MCF2L: variants seen among roughly 807,000 people sequenced by gnomAD.
MCF2L encodes the protein guanine nucleotide exchange factor DBS.
A neutral mutation model predicts 153.4 loss-of-function variants in MCF2L; 97 were observed. That is an observed-to-expected ratio of 0.63 (90% CI 0.54 to 0.75). The LOEUF is 0.75. MCF2L is among the 30% of genes least tolerant of loss of function. The pLI, the probability that MCF2L is intolerant of heterozygous loss-of-function variation, is 0.00. For synonymous variants in MCF2L, 659 were observed against 632.2 expected, an observed-to-expected ratio of 1.04 and a Z score of -0.64; for missense variants, 1,347 against 1,495.2, an observed-to-expected ratio of 0.90 and a Z score of 1.64.
chr13:112,994,090 G>A (rs9549330), intron 1 of MCF2L, among the ~76,000 whole-genome samples: 1 of 151,994 alleles, frequency 6.6e-6, no homozygotes, highest in African/African-American at 2.4e-5. Context: ...GGGGTGCGGC[G>A]CTTGGGACCC....
Position 113,065,976 on chromosome 13 carries a change from G to A in MCF2L, c.757-70G>A, listed in dbSNP as rs56686057. On this transcript the variant is annotated intron_variant, in intron 7 of 29. Transcript: ENST00000535094. Reference sequence around the variant, plus strand: ...CGCCCCCTCAAGAGCAAGGCCCCACGAGGCCTCACCACCAGCCTGCGCTGT... The same window carrying A: ...CGCCCCCTCAAGAGCAAGGCCCCACAAGGCCTCACCACCAGCCTGCGCTGT... The A allele has an allele frequency of 2.8e-3, 4,318 of 1,530,932 alleles. 70 individuals are homozygous for A. The African/African-American group carries it at 0.04, about 14-fold the overall frequency. The allele number at this position is 1,530,932 out of a possible 1,614,324, so 94.8% of individuals were successfully genotyped here. A position where few individuals can be genotyped will look rare whatever the true frequency, so the allele number is the denominator to read the frequency against.
In MCF2L at chr13:112,955,684, C is replaced by T. The variant is rs57745999; in HGVS notation, c.169+53313C>T. On this transcript the variant is annotated intron_variant, in intron 2 of 29. Coordinates refer to the MCF2L transcript ENST00000375608. ...AACCCCTTTGCCATAAGGCAGACTG[C>T]GCTGGAGGCTGTTTCCATTCCCCAA... Among the ~76,000 whole-genome samples, 596 of 152,258 alleles carry T rather than the reference C, an allele frequency of 3.9e-3. 9 individuals are homozygous for T. The highest frequency in any genetic ancestry group is 0.013 in the African/African-American group (545 of 41,546).
At chr13:113,072,326 A>AC (rs1334200977) in intron 9 of MCF2L, among the ~76,000 whole-genome samples, 2 of 151,980 alleles carry the variant, frequency 1.3e-5, no homozygotes, top group African/African-American at 4.8e-5. Context: ...CTTTTATTCT[A>AC]CCCCCCACCC....
At chr13:113,076,271 A>ATTT in intron 12 of MCF2L, 114 bp downstream of exon 12, 4 of 722,202 alleles carry the variant, frequency 5.5e-6, no homozygotes, top group Middle Eastern at 4.7e-4. Flanking sequence ...ATTTATTATT[A>ATTT]TTTTTTTTTT....
At chr13:113,075,695 C>G (rs561286991) in intron 11 of MCF2L, among the ~76,000 whole-genome samples, 24 of 152,332 alleles carry the variant, frequency 1.6e-4, no homozygotes, top group Non-Finnish European at 2.8e-4. Flanking sequence ...CTGCACTTAC[C>G]CTGCCTCTCC....
chr13:113,039,999 G>A (rs2086378896), intron 3 of MCF2L, among the ~76,000 whole-genome samples: 1 of 152,170 alleles, frequency 6.6e-6, no homozygotes, highest in Non-Finnish European at 1.5e-5. Context: ...TGTCCATTAA[G>A]AGTAGAATTT....
At chr13:112,953,526 G>T (rs1431044600) in intron 2 of MCF2L, among the ~76,000 whole-genome samples, 5 of 152,252 alleles carry the variant, frequency 3.3e-5, no homozygotes, top group Non-Finnish European at 7.3e-5. Context: ...CACAGTGCCT[G>T]CTCTGTTCCA....
At position 113,096,448 on chromosome 13, in the gene MCF2L, G is replaced by A. The variant is rs563061363; in HGVS notation, c.3153G>A (p.Val1051=). Residue 1051 remains valine, a synonymous_variant, in exon 28 of 30, where the codon GTG becomes GTA. Transcript: ENST00000535094. The part of the protein sequence containing the change: ...PDALRVRSGD[V]VELVQEGDEG... ...CGCTGCGCGTGAGGAGCGGGGACGT[G>A]GTGGAGCTGGTGCAGGAGGGCGACG... 165 of 1,593,452 alleles carry A rather than the reference G, an allele frequency of 1.0e-4. No homozygotes were observed. The highest frequency in any genetic ancestry group is 1.4e-4 in the Non-Finnish European group (159 of 1,171,280).
At chr13:113,029,336 C>T (rs900059402) in intron 3 of MCF2L, among the ~76,000 whole-genome samples, 1 of 152,198 alleles carries the variant, frequency 6.6e-6, no homozygotes, top group Non-Finnish European at 1.5e-5. Context: ...TGAGCATGTC[C>T]TTCCAGAGAG....
At position 113,053,388 on chromosome 13, in the gene MCF2L, C is replaced by T. The variant is rs9604014; in HGVS notation, c.370-7205C>T. Among the ~76,000 whole-genome samples, 48,986 of 152,090 alleles carry T rather than the reference C, an allele frequency of 0.32. 8,194 individuals carry two copies. Among genetic ancestry groups the T allele is most frequent in the Middle Eastern group, 0.41 (121 of 292 alleles). ...GAAGCCAGTTGCTTTATGGAATATC[C>T]TTTCATCTGGTTTCCTTGTAATTAG... On this transcript the variant is annotated intron_variant, in intron 4 of 29. Coordinates refer to ENST00000535094, the MANE Select transcript of MCF2L (RefSeq NM_001112732.3). The surrounding 1 kb of genome is among the most constrained non-coding windows in gnomAD (Gnocchi z 4.4).
In MCF2L at chr13:113,064,476, G is replaced by A. The variant is rs569376450; in HGVS notation, c.606+56G>A. The A allele has an allele frequency of 4.5e-6, 5 of 1,112,288 alleles. No homozygotes were observed. The South Asian group carries it at 6.2e-5, about 14-fold the overall frequency. The allele number at this position is 1,112,288 out of a possible 1,614,324, so 68.9% of individuals were successfully genotyped here. ...TGATACCAGCTCGAGTACTTCCACAGAATCGCTCTTGCATTACAACACGGC... is the reference window on the plus strand; with the variant it reads ...TGATACCAGCTCGAGTACTTCCACAAAATCGCTCTTGCATTACAACACGGC... On this transcript the variant is annotated intron_variant, in intron 6 of 29. Transcript: ENST00000535094. This position sits in a 1 kb window ranked among gnomAD's most constrained non-coding sequence, Gnocchi z 6.0.
At chr13:113,008,355 G>A (rs1333941884) in intron 1 of MCF2L, among the ~76,000 whole-genome samples, 2 of 145,170 alleles carry the variant, frequency 1.4e-5, no homozygotes, top group Non-Finnish European at 3.0e-5. Flanking sequence ...GTGAGTGGCT[G>A]TGTCTCAGCC....
chr13:113,044,468 C>A, intron 3 of MCF2L: 1 of 618,670 alleles, frequency 1.6e-6, no homozygotes, highest in Non-Finnish European at 2.7e-6. Flanking sequence ...TTCTGATTTT[C>A]ATGTAAACCT....
Position 112,896,204 on chromosome 13 carries a change from G to A in MCF2L, c.-5+1773G>A, listed in dbSNP as rs529077049. ...TCATCCTCACCAAGGTGATGGATTC[G>A]CTGCAAGATGAAAGGTCTGTGTGCA... On this transcript the variant is annotated intron_variant, in intron 1 of 29. Coordinates refer to the MCF2L transcript ENST00000375608. Among the ~76,000 whole-genome samples the A allele has an allele frequency of 3.9e-5, 6 of 152,336 alleles. No individual in the cohort carries two copies. In the East Asian group the frequency reaches 9.6e-4, roughly 24 times the overall value.
intron 7 of MCF2L, among the ~76,000 whole-genome samples, chr13:113,065,596 G>A (rs543909237): frequency 6.6e-6 from 1 of 152,380 alleles, no homozygotes; most frequent in East Asian, 1.9e-4. Flanking sequence ...CGTATTCTGA[G>A]GAGCACGTGC....
intron 1 of MCF2L, among the ~76,000 whole-genome samples, chr13:113,012,801 G>A (rs1594649575): frequency 2.0e-5 from 2 of 102,450 alleles, no homozygotes; most frequent in African/African-American, 3.7e-5. Flanking sequence ...TGATGCGGAC[G>A]GTGGACAGGC....
Position 112,932,906 on chromosome 13 carries a change from CTGTAA to C in MCF2L, c.169+30537_169+30541del, listed in dbSNP as rs1174223762. Among the ~76,000 whole-genome samples, 1 of 152,144 alleles carries C rather than the reference CTGTAA, an allele frequency of 6.6e-6. No homozygotes were observed. Among genetic ancestry groups the C allele is most frequent in the Admixed American group, 6.5e-5 (1 of 15,270 alleles). The stretch of plus-strand genomic sequence containing the variant: ...ATTAGCCTGGTGTGGTGACACACAC[CTGTAA>C]TCCCAGCTACCCAGGAGGCTGAGAC... On this transcript the variant is annotated intron_variant, in intron 2 of 29. Transcript: ENST00000375608. This position sits in a 1 kb window ranked among gnomAD's most constrained non-coding sequence, Gnocchi z 4.6.
chr13:112,936,748 A>C (rs2081519067), intron 2 of MCF2L, among the ~76,000 whole-genome samples: 1 of 152,226 alleles, frequency 6.6e-6, no homozygotes, highest in Admixed American at 6.5e-5. Flanking sequence ...TGGAGTGTAG[A>C]TACCATCATC....
intron 26 of MCF2L, chr13:113,090,633 A>G: frequency 1.0e-6 from 1 of 985,460 alleles, no homozygotes; most frequent in Non-Finnish European, 1.2e-6. Context: ...GAGCTCCATG[A>G]TGGGAAATAC....
Sources: gnomAD v4.1 joint callset for allele counts (sites outside exome capture counted in the v4.1 genomes callset) on GRCh38, gnomAD v4.1.1 for gene constraint, Gnocchi (gnomAD v3.1) non-coding constraint, MANE v1.5 for transcripts, NCBI Gene and HGNC (gene_info 2026-07-23, HGNC 2026-07-21) for gene names.